The following SRP72 variants were observed in gnomAD, a reference collection of about 807,000 sequenced individuals.
The protein encoded by SRP72 is signal recognition particle subunit SRP72.
A neutral mutation model predicts 96.3 loss-of-function variants in SRP72; 49 were observed. The observed-to-expected ratio is 0.51, with a 90% CI of 0.40 to 0.65. SRP72 has a LOEUF of 0.65. Among genes scored for constraint, SRP72 ranks in the 30% least tolerant of loss-of-function variants. The pLI, the probability that SRP72 is intolerant of heterozygous loss-of-function variation, is 0.00. For missense variants in SRP72, 736 were observed against 793.3 expected (o/e 0.93, Z 0.87); for synonymous variants, 267 against 275.2 (o/e 0.97, Z 0.30).
At chr4:56,487,889 T>C in intron 11 of SRP72, 60 bp from the exon 12 acceptor site, 1 of 1,328,834 alleles carries the variant, frequency 7.5e-7, no homozygotes, top group Non-Finnish European at 1.0e-6. Context: ...AAATTTCTTG[T>C]ATTTTTTTTT....
In SRP72 at chr4:56,502,203, T is replaced by A. The variant is rs1273513262; in HGVS notation, c.*342T>A. 4.5e-6 allele frequency: 1 copy of A among 222,956 alleles called. No homozygotes were observed. Among genetic ancestry groups the A allele is most frequent in the Non-Finnish European group, 9.0e-6 (1 of 110,682 alleles). 13.8% of individuals were successfully genotyped at this position (222,956 alleles called of 1,614,324 possible). On this transcript the variant is annotated 3_prime_UTR_variant, in exon 19 of 19. Transcript: ENST00000642900. ...TCCCAGGATTTAAACAGAAACTACT[T>A]CTATGATTTCAGCTGGAGTCTGAAG...
intron 16 of SRP72, among the ~76,000 whole-genome samples, chr4:56,493,456 A>G (rs1372757857): frequency 6.6e-6 from 1 of 152,230 alleles, no homozygotes; most frequent in African/African-American, 2.4e-5. Flanking sequence ...ATTAGAAGTT[A>G]GTATTTTGTT....
intron 8 of SRP72, among the ~76,000 whole-genome samples, chr4:56,479,095 A>T (rs893618717): frequency 6.6e-6 from 1 of 152,058 alleles, no homozygotes; most frequent in African/African-American, 2.4e-5. Context: ...ACCCCATCCC[A>T]TGTAAAATAC....
chr4:56,484,593 G>A, intron 9 of SRP72, 143 bp from the exon 10 acceptor site: 2 of 1,082,118 alleles, frequency 1.8e-6, no homozygotes, highest in South Asian at 1.5e-5. Context: ...AATAGATACT[G>A]TAAACTGATT....
Position 56,487,891 on chromosome 4 carries a change from T to A in SRP72, c.1160-58T>A, listed in dbSNP as rs947379022. 12 of 1,281,746 alleles carry A rather than the reference T, an allele frequency of 9.4e-6. No individual in the cohort carries two copies. In the South Asian group the frequency reaches 1.5e-4, roughly 16 times the overall value. The allele number at this position is 1,281,746 out of a possible 1,614,324, so 79.4% of individuals were successfully genotyped here. A position where few individuals can be genotyped will look rare whatever the true frequency, so the allele number is the denominator to read the frequency against. ...GTGGGAGGAAGTAAAATTTCTTGTATTTTTTTTTCATAATATGTGTTCTTC... is the reference window on the plus strand; with the variant it reads ...GTGGGAGGAAGTAAAATTTCTTGTAATTTTTTTTCATAATATGTGTTCTTC... On this transcript the variant is annotated intron_variant, in intron 11 of 18. Transcript: ENST00000642900.
At position 56,471,722 on chromosome 4, in the gene SRP72, ACT is replaced by A. The variant is rs753368813; in HGVS notation, c.241_242del (p.Ser81LeufsTer2). On this transcript the variant is annotated frameshift_variant, in exon 3 of 19. Transcript: ENST00000642900. LOFTEE classifies it high-confidence loss of function. ...ACTGTTTTTTTTTCCTTCTTCAGTA[ACT>A]CTCTCTCCTTTGAAAAGGCATATTG... 1.2e-6 allele frequency: 2 copies of A among 1,610,226 alleles called. No homozygotes were observed. The highest frequency in any genetic ancestry group is 8.5e-7 in the Non-Finnish European group (1 of 1,178,816).
intron 8 of SRP72, among the ~76,000 whole-genome samples, chr4:56,482,152 A>G (rs1720520009): frequency 6.9e-6 from 1 of 145,186 alleles, no homozygotes; most frequent in Non-Finnish European, 1.5e-5. Flanking sequence ...AAATAAAGGT[A>G]TGTACTGGGC....
chr4:56,474,245 A>C (rs781314166), intron 4 of SRP72, 35 bp from the exon 5 acceptor site: 25 of 1,613,082 alleles, frequency 1.5e-5, no homozygotes, highest in Non-Finnish European at 1.9e-5. Context: ...TATTATTCAT[A>C]TTTAGTATTT....
intron 3 of SRP72, among the ~76,000 whole-genome samples, chr4:56,472,912 A>G (rs991117051): frequency 3.9e-5 from 6 of 152,168 alleles, no homozygotes; most frequent in Non-Finnish European, 8.8e-5. Context: ...CTTTGAGCAC[A>G]ACTTGAATGA....
intron 9 of SRP72, among the ~76,000 whole-genome samples, chr4:56,484,398 A>G (rs1720627491): frequency 6.6e-6 from 1 of 152,144 alleles, no homozygotes; most frequent in Non-Finnish European, 1.5e-5. Context: ...GTAGCAAAAA[A>G]TACATATATG....
At chr4:56,495,664 T>C (rs1721051651) in intron 17 of SRP72, among the ~76,000 whole-genome samples, 1 of 152,206 alleles carries the variant, frequency 6.6e-6, no homozygotes, top group Non-Finnish European at 1.5e-5. Context: ...ATATGTAAAA[T>C]GGAATATGAT....
chr4:56,489,379 G>T lies in SRP72; in HGVS notation c.1225-9G>T, dbSNP rs1195909612. 16 of 1,538,152 alleles carry T rather than the reference G, an allele frequency of 1.0e-5. No homozygotes were observed. Among genetic ancestry groups the T allele is most frequent in the African/African-American group, 2.7e-5 (2 of 73,684 alleles). ...GGGAGTTCACTAATTTATACCTTTGGCTGTGTAGGTATCTGCATTAGTTAC... is the reference window on the plus strand; with the variant it reads ...GGGAGTTCACTAATTTATACCTTTGTCTGTGTAGGTATCTGCATTAGTTAC... On this transcript the variant is annotated splice_polypyrimidine_tract_variant and intron_variant, in intron 12 of 18. Coordinates refer to ENST00000642900, the MANE Select transcript of SRP72 (RefSeq NM_006947.4).
chr4:56,486,534 A>G, intron 11 of SRP72, 137 bp downstream of exon 11: 2 of 629,174 alleles, frequency 3.2e-6, no homozygotes, highest in Non-Finnish European at 5.2e-6. Context: ...ACATGCAGCT[A>G]GATTGTATGA....
At chr4:56,498,383 C>T (rs181436742) in intron 17 of SRP72, among the ~76,000 whole-genome samples, 166 of 152,296 alleles carry the variant, frequency 1.1e-3, no homozygotes, top group Non-Finnish European at 1.9e-3. Context: ...GATGCCCTCT[C>T]TCACCACTCC....
At chr4:56,499,153 G>A (rs888338781) in intron 17 of SRP72, among the ~76,000 whole-genome samples, 1 of 152,096 alleles carries the variant, frequency 6.6e-6, no homozygotes, top group African/African-American at 2.4e-5. Flanking sequence ...CCTGACAAAA[G>A]CAATGGGGAA....
In SRP72 at chr4:56,473,936, T is replaced by C. The variant is rs551758809; in HGVS notation, c.355-118T>C. On this transcript the variant is annotated intron_variant, in intron 3 of 18. Transcript: ENST00000642900. ...AAAATTATAAAACATAAACAGTTGATTGTTCATGTTATGCTGAACTAGGAT... is the reference window on the plus strand; with the variant it reads ...AAAATTATAAAACATAAACAGTTGACTGTTCATGTTATGCTGAACTAGGAT... 132 of 902,654 alleles carry C rather than the reference T, an allele frequency of 1.5e-4. No individual in the cohort carries two copies. The African/African-American group carries it at 1.9e-3, about 13-fold the overall frequency. The allele number at this position is 902,654 out of a possible 1,614,324, so 55.9% of individuals were successfully genotyped here. A position where few individuals can be genotyped will look rare whatever the true frequency, so the allele number is the denominator to read the frequency against.
intron 17 of SRP72, 187 bp from the exon 18 acceptor site, chr4:56,500,349 A>G (rs1721220241): frequency 3.4e-6 from 2 of 588,642 alleles, no homozygotes; most frequent in South Asian, 4.9e-5. Context: ...CATGTATCCC[A>G]GAACTTAAAG....
chr4:56,478,686 C>T (rs776653465), intron 8 of SRP72, 37 bp downstream of exon 8: 16 of 1,583,638 alleles, frequency 1.0e-5, no homozygotes, highest in Middle Eastern at 4.1e-4. Flanking sequence ...ATATATTTTA[C>T]CCTGAAAGCT....
Position 56,491,447 on chromosome 4 carries a change from C to G in SRP72, c.1519C>G (p.Pro507Ala). The G allele has an allele frequency of 6.2e-7, 1 of 1,613,646 alleles. No individual in the cohort carries two copies. Among genetic ancestry groups the G allele is most frequent in the Non-Finnish European group, 8.5e-7 (1 of 1,179,792 alleles). ...CTATCACAGTCTTAGTAAACACTTG[C>G]CATCGTCAGATAGTATGTCTCTAAA... ...EKAKALSKHLPSSDSMSLKVD... is the reference protein window; with the variant it reads ...EKAKALSKHLASSDSMSLKVD... Residue 507 changes from proline to alanine, a missense_variant, in exon 16 of 19, where the codon CCA becomes GCA. Transcript: ENST00000642900.
Sources: allele counts gnomAD v4.1 joint callset (sites outside exome capture counted in the v4.1 genomes callset), GRCh38; gene constraint gnomAD v4.1.1; transcripts MANE v1.5; gene names NCBI Gene and HGNC (gene_info 2026-07-23, HGNC 2026-07-21).